The following NUMA1 variants were observed in gnomAD, a reference collection of about 807,000 sequenced individuals.
NUMA1 encodes nuclear mitotic apparatus protein 1.
Under a neutral mutation model 237.1 loss-of-function variants are expected in NUMA1, and 62 were observed. The ratio of observed to expected loss-of-function variants is 0.26; its 90% confidence interval spans 0.21 to 0.32. The LOEUF (loss-of-function observed/expected upper bound fraction) is 0.32. NUMA1 is among the 10% of genes least tolerant of loss of function. The pLI, the probability that NUMA1 is intolerant of heterozygous loss-of-function variation, is 1.00. For missense variants in NUMA1, 2,533 were observed against 2,666.5 expected (o/e 0.95, Z 1.10); for synonymous variants, 1,028 against 1,066.1 (o/e 0.96, Z 0.70).
rs1392565535 is a variant in NUMA1, at chr11:72,048,399, G to C, written c.-32-12424C>G. On this transcript the variant is annotated intron_variant, in intron 2 of 26. Coordinates refer to ENST00000393695, the MANE Select transcript of NUMA1 (RefSeq NM_006185.4). ...ACTTTTTTTTATTTTTTGAGACAGA[G>C]TTTGCTTTGTCGCCCAGGCTGGAGT... Among the ~76,000 whole-genome samples the C allele has an allele frequency of 5.3e-5, 8 of 151,540 alleles. No homozygotes were observed. The East Asian group carries it at 1.4e-3, about 26-fold the overall frequency.
intron 12 of NUMA1, 33 bp from the exon 13 acceptor site, chr11:72,017,860 AGAGTC>A: frequency 6.8e-7 from 1 of 1,465,264 alleles, no homozygotes; most frequent in South Asian, 1.2e-5. Flanking sequence ...CCCATCACCC[AGAGTC>A]AACGCTGACC....
In NUMA1 at chr11:72,005,221, C is replaced by T. The variant is rs1367907507; in HGVS notation, c.5829+12G>A. ...GGGATGGGAGGCCCTGCACAGTGACCCCAGGCCTCACCCTGGACTCCAGGG... is the reference window on the plus strand; with the variant it reads ...GGGATGGGAGGCCCTGCACAGTGACTCCAGGCCTCACCCTGGACTCCAGGG... On this transcript the variant is annotated intron_variant, in intron 23 of 26. Coordinates refer to ENST00000393695, the MANE Select transcript of NUMA1 (RefSeq NM_006185.4). 2 of 1,588,328 alleles carry T rather than the reference C, an allele frequency of 1.3e-6. No individual in the cohort carries two copies. The highest frequency in any genetic ancestry group is 1.7e-6 in the Non-Finnish European group (2 of 1,169,040).
chr11:72,025,412 C>CA (rs1310039043), intron 4 of NUMA1, among the ~76,000 whole-genome samples: 121 of 139,994 alleles, frequency 8.6e-4, no homozygotes, highest in Middle Eastern at 3.5e-3. Flanking sequence ...ATTCTGTCTC[C>CA]AAAAAAAAAA....
chr11:72,005,120 C>G, intron 23 of NUMA1, 113 bp downstream of exon 23: 1 of 1,232,440 alleles, frequency 8.1e-7, no homozygotes, highest in East Asian at 2.6e-5. Flanking sequence ...GGTCACCCTC[C>G]CCCTCCTCGG....
chr11:72,033,807 G>GTTCACAGGAT (rs1463791576), intron 3 of NUMA1, among the ~76,000 whole-genome samples: 1 of 152,074 alleles, frequency 6.6e-6, no homozygotes, highest in African/African-American at 2.4e-5. Context: ...GATCACTGGA[G>GTTCACAGGAT]CTCAGGAATT....
Position 72,016,496 on chromosome 11 carries a change from C to G in NUMA1, c.1154G>C (p.Gly385Ala). 1 of 1,614,030 alleles carries G rather than the reference C, an allele frequency of 6.2e-7. No individual in the cohort carries two copies. The highest frequency in any genetic ancestry group is 8.5e-7 in the Non-Finnish European group (1 of 1,180,030). ...CLEEKNEILQ[G>A]KLSQLEEHLS... ...GTGTTCTTCCAGCTGTGAAAGTTTTCCCTGAAGGATTTCGTTCTTCTCTTC... is the reference window on the plus strand; with the variant it reads ...GTGTTCTTCCAGCTGTGAAAGTTTTGCCTGAAGGATTTCGTTCTTCTCTTC... The change falls in exon 14 of 27, where the codon GGA becomes GCA. Residue 385 changes from glycine (G) to alanine (A), a missense_variant. Physicochemically the swap from Gly to Ala is moderately conservative, Grantham distance 60. Coordinates refer to ENST00000393695, the MANE Select transcript of NUMA1 (RefSeq NM_006185.4).
intron 20 of NUMA1, chr11:72,007,792 C>CCAAG (rs1427318532): frequency 2.7e-6 from 1 of 372,736 alleles, no homozygotes; most frequent in Non-Finnish European, 5.0e-6. Context: ...ACTCAGGCCC[C>CCAAG]CAAGCCATGA....
At chr11:72,053,257 A>G (rs1370903944) in intron 2 of NUMA1, among the ~76,000 whole-genome samples, 2 of 152,226 alleles carry the variant, frequency 1.3e-5, no homozygotes, top group Non-Finnish European at 2.9e-5. Context: ...GAGCACTGGG[A>G]TAACAGGTAT....
chr11:72,062,837 C>A (rs1038593449), intron 2 of NUMA1, among the ~76,000 whole-genome samples: 11 of 152,134 alleles, frequency 7.2e-5, no homozygotes, highest in Non-Finnish European at 1.5e-4. Context: ...CTTTGGGAGG[C>A]CAAGGTGGGC....
At position 72,004,816 on chromosome 11, in the gene NUMA1, G is replaced by C. The variant is rs551017131; in HGVS notation, c.5830C>G (p.Pro1944Ala). The C allele has an allele frequency of 6.4e-7, 1 of 1,565,996 alleles. No homozygotes were observed. Among genetic ancestry groups the C allele is most frequent in the South Asian group, 1.2e-5 (1 of 82,874 alleles). ...LKTCYPLESR[P>A]SLSLGTITDE... ...GTGATGGTGCCCAGGCTCAGGGAAG[G>C]CTGCATGGGTGGAAGAGGTGGTCAG... The change falls in exon 24 of 27, where the codon CCT becomes GCT. Residue 1944 changes from proline to alanine, a missense_variant and splice_region_variant. Coordinates refer to ENST00000393695, the MANE Select transcript of NUMA1 (RefSeq NM_006185.4).
Position 72,012,901 on chromosome 11 carries a change from A to T in NUMA1, c.4602T>A (p.Thr1534=), listed in dbSNP as rs1385005544. 2 of 1,613,636 alleles carry T rather than the reference A, an allele frequency of 1.2e-6. No homozygotes were observed. The highest frequency in any genetic ancestry group is 1.7e-6 in the Non-Finnish European group (2 of 1,179,770). Residue 1534 remains threonine (T), a synonymous_variant, in exon 15 of 27, where the codon ACT becomes ACA. Coordinates refer to ENST00000393695, the MANE Select transcript of NUMA1 (RefSeq NM_006185.4). ...GTTGGGCTGAGTACCTTACCTGGGCAGTGAGTTTCTGCCTCTCTTCCTGGA... is the reference window on the plus strand; with the variant it reads ...GTTGGGCTGAGTACCTTACCTGGGCTGTGAGTTTCTGCCTCTCTTCCTGGA... ...QRFQEERQKL[T]AQVEQLEVFQ...
At chr11:72,061,371 C>A (rs1942927367) in intron 2 of NUMA1, among the ~76,000 whole-genome samples, 1 of 152,076 alleles carries the variant, frequency 6.6e-6, no homozygotes, top group Admixed American at 6.5e-5. Context: ...GGTATATAAT[C>A]CCAAAGGAAA....
intron 23 of NUMA1, 77 bp downstream of exon 23, chr11:72,005,156 G>C (rs1481641333): frequency 4.2e-6 from 6 of 1,444,708 alleles, no homozygotes; most frequent in Admixed American, 4.8e-5. Context: ...GGGCCCTAGT[G>C]CTCAGGCTAG....
intron 2 of NUMA1, among the ~76,000 whole-genome samples, chr11:72,037,014 T>C (rs1422652337): frequency 6.6e-6 from 1 of 152,152 alleles, no homozygotes; most frequent in Non-Finnish European, 1.5e-5. Flanking sequence ...CTCCAGAGTG[T>C]GGGCTCTGTG....
intron 1 of NUMA1, among the ~76,000 whole-genome samples, chr11:72,074,194 C>CAAAACAAAAACAAAGGCAAA (rs141971998): frequency 6.7e-6 from 1 of 149,820 alleles, no homozygotes; most frequent in Admixed American, 6.6e-5. Context: ...AACTCCATCT[C>CAAAACAAAAACAAAGGCAAA]AAAAAAAATT....
intron 2 of NUMA1, among the ~76,000 whole-genome samples, chr11:72,039,544 A>G (rs1344149088): frequency 6.6e-6 from 1 of 152,094 alleles, no homozygotes; most frequent in Non-Finnish European, 1.5e-5. Flanking sequence ...TCATTCTCTT[A>G]GTGCTAACTC....
chr11:72,038,390 C>G (rs902086761), intron 2 of NUMA1, among the ~76,000 whole-genome samples: 1 of 152,142 alleles, frequency 6.6e-6, no homozygotes, highest in South Asian at 2.1e-4. Flanking sequence ...ATACGAGGAA[C>G]CCAATATTCA....
chr11:72,005,692 G>T, intron 22 of NUMA1: 1 of 492,362 alleles, frequency 2.0e-6, no homozygotes, highest in South Asian at 2.8e-5. Context: ...GGGCTCCCTG[G>T]TGCCCAAAGG....
At position 72,003,255 on chromosome 11, in the gene NUMA1, G is replaced by T. The variant is rs1455793449; in HGVS notation, c.*272C>A. 3.9e-6 allele frequency: 2 copies of T among 512,294 alleles called. No individual in the cohort carries two copies. The highest frequency in any genetic ancestry group is 1.9e-5 in the African/African-American group (1 of 52,368). The allele number at this position is 512,294 out of a possible 1,614,324, so 31.7% of individuals were successfully genotyped here. On this transcript the variant is annotated 3_prime_UTR_variant, in exon 27 of 27. Coordinates refer to ENST00000393695, the MANE Select transcript of NUMA1 (RefSeq NM_006185.4). ...CAAAACCAGCCTCAAATCTGGTTGT[G>T]ATGGAGAAGTGACTTTGCTTTAAGA...
Sources: gnomAD v4.1 joint callset for allele counts (sites outside exome capture counted in the v4.1 genomes callset) on GRCh38, gnomAD v4.1.1 for gene constraint, MANE v1.5 for transcripts, NCBI Gene and HGNC (gene_info 2026-07-23, HGNC 2026-07-21) for gene names.